The following EVA1C variants were observed in gnomAD, a reference collection of about 807,000 sequenced individuals.
The protein encoded by EVA1C is eva-1 homolog C.
In EVA1C, 25 loss-of-function variants were observed where a neutral mutation model predicts 45.4. The observed-to-expected ratio is 0.55, with a 90% CI of 0.40 to 0.77. The LOEUF (loss-of-function observed/expected upper bound fraction) is 0.77. Ranked by LOEUF, EVA1C falls within the 30% of genes least tolerant of loss-of-function variation. The pLI is 0.00. For missense variants in EVA1C, 479 were observed against 554.8 expected (o/e 0.86, Z 1.37); for synonymous variants, 190 against 221.2 (o/e 0.86, Z 1.25).
chr21:32,430,948 C>T (rs1004871401), intron 1 of EVA1C, among the ~76,000 whole-genome samples: 4 of 118,518 alleles, frequency 3.4e-5, no homozygotes, highest in Non-Finnish European at 4.9e-5. Flanking sequence ...ACTCCAGCCT[C>T]GGCAACAGAG....
chr21:32,413,538 AAG>A (rs1361504528), intron 1 of EVA1C, among the ~76,000 whole-genome samples: 5 of 152,192 alleles, frequency 3.3e-5, no homozygotes, highest in African/African-American at 1.2e-4. Flanking sequence ...ATACTTAGAT[AAG>A]AGAGAGGAGC....
At chr21:32,488,370 C>T (rs372303942) in intron 4 of EVA1C, among the ~76,000 whole-genome samples, 1 of 152,102 alleles carries the variant, frequency 6.6e-6, no homozygotes, top group Admixed American at 6.5e-5. Flanking sequence ...TCTTTAGGAA[C>T]CTTCATGCTC....
At chr21:32,432,578 T>C (rs2034751216) in intron 1 of EVA1C, among the ~76,000 whole-genome samples, 1 of 152,266 alleles carries the variant, frequency 6.6e-6, no homozygotes, top group African/African-American at 2.4e-5. Flanking sequence ...GTCTGCCCAC[T>C]TGTGGTTTTG....
intron 4 of EVA1C, among the ~76,000 whole-genome samples, chr21:32,482,214 G>A (rs1351403293): frequency 1.3e-5 from 2 of 152,324 alleles, no homozygotes; most frequent in East Asian, 3.9e-4. Flanking sequence ...GCCACAGATG[G>A]TCTTCCGGGA....
intron 4 of EVA1C, among the ~76,000 whole-genome samples, chr21:32,477,264 C>T (rs2036601123): frequency 6.6e-6 from 1 of 152,236 alleles, no homozygotes; most frequent in East Asian, 1.9e-4. Flanking sequence ...CTAACATACC[C>T]CTCAAGGTCC....
At chr21:32,496,791 C>T (rs985996536) in intron 5 of EVA1C, 66 of 739,122 alleles carry the variant, frequency 8.9e-5, no homozygotes, top group Middle Eastern at 3.7e-4. Context: ...GGGCTGGGGC[C>T]GCCATAGCCC....
chr21:32,420,362 C>A (rs971632378), intron 1 of EVA1C, among the ~76,000 whole-genome samples: 4 of 152,056 alleles, frequency 2.6e-5, no homozygotes, highest in Non-Finnish European at 5.9e-5. Context: ...AGAGCGAGAC[C>A]CTGTCTCAAG....
chr21:32,440,553 T>C (rs2035136629), intron 1 of EVA1C, among the ~76,000 whole-genome samples: 1 of 152,198 alleles, frequency 6.6e-6, no homozygotes, highest in Non-Finnish European at 1.5e-5. Context: ...AGGATTGTAA[T>C]ACAAGACCAA....
chr21:32,509,908 G>A (rs1224633259), intron 7 of EVA1C, among the ~76,000 whole-genome samples: 3 of 152,002 alleles, frequency 2.0e-5, no homozygotes, highest in Middle Eastern at 3.4e-3. Flanking sequence ...AGGCTAGAGC[G>A]GGGAGCAGAG....
intron 2 of EVA1C, among the ~76,000 whole-genome samples, chr21:32,455,774 C>T (rs1464618053): frequency 1.3e-5 from 2 of 152,192 alleles, no homozygotes; most frequent in African/African-American, 4.8e-5. Flanking sequence ...TATAACCAGG[C>T]CGACAGGTTA....
intron 1 of EVA1C, among the ~76,000 whole-genome samples, chr21:32,419,711 TAAAAAC>T (rs2034189261): frequency 7.2e-6 from 1 of 138,104 alleles, no homozygotes; most frequent in East Asian, 2.1e-4. Context: ...CGAGTTCCTG[TAAAAAC>T]AAAAACAAAC....
intron 7 of EVA1C, among the ~76,000 whole-genome samples, chr21:32,507,816 GTA>G (rs1019092697): frequency 2.0e-5 from 3 of 148,998 alleles, no homozygotes; most frequent in Admixed American, 1.3e-4. Context: ...GTGCATGTAT[GTA>G]TGTGTGTTGC....
chr21:32,466,806 A>G (rs1186410964), intron 3 of EVA1C, among the ~76,000 whole-genome samples: 2 of 148,212 alleles, frequency 1.3e-5, no homozygotes, highest in Non-Finnish European at 1.5e-5. Context: ...TTGATTTGGT[A>G]TCATACCATC....
chr21:32,428,495 C>G (rs1236401155), intron 1 of EVA1C: 1 of 152,248 alleles, frequency 6.6e-6, no homozygotes, highest in Non-Finnish European at 1.5e-5. Flanking sequence ...GTAGCTAAAA[C>G]ACGAACCAGG....
chr21:32,466,418 C>CAA (rs201044286), intron 3 of EVA1C, among the ~76,000 whole-genome samples: 137 of 85,050 alleles, frequency 1.6e-3, no homozygotes, highest in African/African-American at 5.9e-3. Flanking sequence ...GATTCCGTCT[C>CAA]AAAAAAAAAA....
intron 7 of EVA1C, among the ~76,000 whole-genome samples, chr21:32,512,843 C>A (rs970908927): frequency 3.3e-5 from 5 of 151,812 alleles, no homozygotes; most frequent in African/African-American, 1.2e-4. Context: ...TTGGAGAGGA[C>A]AGTGGCTCAA....
intron 1 of EVA1C, among the ~76,000 whole-genome samples, chr21:32,451,689 C>T (rs117736496): frequency 0.012 from 1,825 of 152,302 alleles, 25 homozygotes; most frequent in South Asian, 0.034. Flanking sequence ...CCTTCCTGGC[C>T]TTTTCCAGCT....
At chr21:32,418,233 T>G (rs1224072443) in intron 1 of EVA1C, among the ~76,000 whole-genome samples, 1 of 152,124 alleles carries the variant, frequency 6.6e-6, no homozygotes, top group South Asian at 2.1e-4. Context: ...ATTTATGGAG[T>G]GAAAAGCCAG....
At chr21:32,417,251 A>T (rs1488286782) in intron 1 of EVA1C, among the ~76,000 whole-genome samples, 5 of 152,244 alleles carry the variant, frequency 3.3e-5, no homozygotes, top group African/African-American at 4.8e-5. Flanking sequence ...TGGGTGGCTT[A>T]CACAAGGAAC....
Sources: gnomAD v4.1 joint callset for allele counts (sites outside exome capture counted in the v4.1 genomes callset) on GRCh38, gnomAD v4.1.1 for gene constraint, MANE v1.5 for transcripts, NCBI Gene and HGNC (gene_info 2026-07-23, HGNC 2026-07-21) for gene names.